The following TAFA2 variants were observed in gnomAD, a reference collection of about 807,000 sequenced individuals.
The protein encoded by TAFA2 is chemokine-like protein TAFA-2.
Under a neutral mutation model 18.8 loss-of-function variants are expected in TAFA2, and 7 were observed. That is an observed-to-expected ratio of 0.37 (90% CI 0.21 to 0.70). The LOEUF (loss-of-function observed/expected upper bound fraction) is 0.70, where lower values mean the gene tolerates loss of function less well. TAFA2 is among the 30% of genes least tolerant of loss of function. TAFA2 has a pLI of 0.53. For synonymous variants in TAFA2, 60 were observed against 54.2 expected, an observed-to-expected ratio of 1.11 and a Z score of -0.47; for missense variants, 122 against 158.1, an observed-to-expected ratio of 0.77 and a Z score of 1.23.
intron 4 of TAFA2, among the ~76,000 whole-genome samples, chr12:61,718,108 T>C (rs905855849): frequency 2.0e-5 from 3 of 152,304 alleles, no homozygotes; most frequent in Admixed American, 1.3e-4. Context: ...CTACCACATA[T>C]ACAACATCTG....
chr12:61,930,164 AAAT>A (rs1877496916), intron 1 of TAFA2, among the ~76,000 whole-genome samples: 1 of 151,634 alleles, frequency 6.6e-6, no homozygotes, highest in African/African-American at 2.4e-5. Context: ...ATAAAAAAAT[AAAT>A]AAATAAAAAG....
At chr12:62,062,115 A>T (rs1428469530) in intron 1 of TAFA2, among the ~76,000 whole-genome samples, 3 of 152,164 alleles carry the variant, frequency 2.0e-5, no homozygotes, top group African/African-American at 4.8e-5. Context: ...CAGAGGTTGC[A>T]CTGAGCTGAG....
intron 1 of TAFA2, among the ~76,000 whole-genome samples, chr12:62,148,194 C>T (rs940795334): frequency 6.6e-6 from 1 of 152,088 alleles, no homozygotes; most frequent in Non-Finnish European, 1.5e-5. Context: ...CCATTCAATC[C>T]AGCAATCCCA....
At chr12:61,827,668 C>A (rs1285349690) in intron 2 of TAFA2, among the ~76,000 whole-genome samples, 3 of 151,896 alleles carry the variant, frequency 2.0e-5, no homozygotes, top group African/African-American at 7.2e-5. Context: ...TCATTCTCTT[C>A]GTGAAGAGTC....
At chr12:61,932,413 G>A (rs577664743) in intron 1 of TAFA2, among the ~76,000 whole-genome samples, 2 of 152,260 alleles carry the variant, frequency 1.3e-5, no homozygotes, top group South Asian at 2.1e-4. Context: ...AAAGTGGAAG[G>A]TGAAACAGCA....
chr12:61,949,638 C>T (rs1252225566), intron 1 of TAFA2, among the ~76,000 whole-genome samples: 1 of 152,112 alleles, frequency 6.6e-6, no homozygotes, highest in Non-Finnish European at 1.5e-5. Flanking sequence ...CCTCCATAAT[C>T]ATTTCTTATA....
intron 1 of TAFA2, among the ~76,000 whole-genome samples, chr12:61,884,873 AAAAC>A (rs1875304411): frequency 6.6e-6 from 1 of 152,194 alleles, no homozygotes; most frequent in Non-Finnish European, 1.5e-5. Flanking sequence ...TAAAATAAGA[AAAAC>A]AAAAGCATTT....
intron 1 of TAFA2, among the ~76,000 whole-genome samples, chr12:62,128,551 G>C (rs914622848): frequency 6.6e-6 from 1 of 151,898 alleles, no homozygotes; most frequent in Admixed American, 6.6e-5. Context: ...CTTTTACCAC[G>C]TATATCTCCC....
chr12:61,904,345 G>A (rs572232625), intron 1 of TAFA2, among the ~76,000 whole-genome samples: 1 of 152,110 alleles, frequency 6.6e-6, no homozygotes, highest in African/African-American at 2.4e-5. Context: ...TATTTAAGAG[G>A]CAGAGTAGAA....
At chr12:61,900,574 A>C (rs1402283073) in intron 1 of TAFA2, among the ~76,000 whole-genome samples, 1 of 152,182 alleles carries the variant, frequency 6.6e-6, no homozygotes. Context: ...TGGCAGCAGG[A>C]AGGAGAAGTG....
intron 1 of TAFA2, among the ~76,000 whole-genome samples, chr12:62,080,479 A>G (rs1357085185): frequency 2.0e-5 from 3 of 152,054 alleles, no homozygotes; most frequent in South Asian, 4.2e-4. Context: ...CTACCACATA[A>G]TCATGCACTA....
intron 1 of TAFA2, among the ~76,000 whole-genome samples, chr12:62,096,944 G>C (rs1868977615): frequency 6.6e-6 from 1 of 152,078 alleles, no homozygotes; most frequent in Non-Finnish European, 1.5e-5. Context: ...TTGCAAAACT[G>C]TTTTATGGAC....
intron 1 of TAFA2, among the ~76,000 whole-genome samples, chr12:61,953,904 TAAGA>T (rs1191558183): frequency 2.6e-5 from 4 of 152,220 alleles, no homozygotes; most frequent in African/African-American, 9.6e-5. Context: ...AAAAGCGTAT[TAAGA>T]AAGAACATAC....
chr12:61,785,105 C>T (rs945253484), intron 2 of TAFA2, among the ~76,000 whole-genome samples: 1 of 151,446 alleles, frequency 6.6e-6, no homozygotes, highest in Non-Finnish European at 1.5e-5. Context: ...TCTCCCTATT[C>T]CCTCCTTCCC....
At chr12:61,743,450 G>T (rs534187587) in intron 4 of TAFA2, among the ~76,000 whole-genome samples, 2 of 151,854 alleles carry the variant, frequency 1.3e-5, no homozygotes, top group African/African-American at 4.8e-5. Flanking sequence ...ATAATTTAAC[G>T]CATATTGCTC....
intron 4 of TAFA2, among the ~76,000 whole-genome samples, chr12:61,729,592 A>T (rs562272686): frequency 1.3e-5 from 2 of 151,492 alleles, no homozygotes; most frequent in Non-Finnish European, 2.9e-5. Flanking sequence ...TTTATTTATG[A>T]TATCTATTTC....
chr12:61,870,075 C>G (rs1358075227), intron 1 of TAFA2, among the ~76,000 whole-genome samples: 2 of 152,136 alleles, frequency 1.3e-5, no homozygotes, highest in East Asian at 3.9e-4. Context: ...CATATGGAAA[C>G]AGAAGCACCC....
At chr12:61,832,345 A>T (rs1872751032) in intron 2 of TAFA2, among the ~76,000 whole-genome samples, 1 of 152,032 alleles carries the variant, frequency 6.6e-6, no homozygotes, top group Non-Finnish European at 1.5e-5. Context: ...GGTGAACCCA[A>T]GCCAGAAGAG....
At chr12:61,853,281 A>G (rs575887542) in intron 2 of TAFA2, among the ~76,000 whole-genome samples, 1 of 152,188 alleles carries the variant, frequency 6.6e-6, no homozygotes, top group Non-Finnish European at 1.5e-5. Context: ...TTCAGGAAAC[A>G]TGGACCTGAT....
Sources: gnomAD v4.1 joint callset for allele counts (sites outside exome capture counted in the v4.1 genomes callset) on GRCh38, gnomAD v4.1.1 for gene constraint, MANE v1.5 for transcripts, NCBI Gene and HGNC (gene_info 2026-07-23, HGNC 2026-07-21) for gene names.